Variants in SPRY3 observed in about 807,000 individuals in gnomAD.
SPRY3 encodes the protein sprouty RTK signaling antagonist 3, also known as protein sprouty homolog 3.
In SPRY3, 15 loss-of-function variants were observed where a neutral mutation model predicts 20.2. The observed-to-expected ratio is 0.74, with a 90% CI of 0.50 to 1.14. The LOEUF (loss-of-function observed/expected upper bound fraction) is 1.14. Among genes scored for constraint, SPRY3 ranks in the 50% most tolerant of loss-of-function variants. SPRY3 has a pLI of 0.00. For synonymous variants in SPRY3, 143 were observed against 136.5 expected (o/e 1.05, Z -0.33); for missense variants, 364 against 363.9 (o/e 1.00, Z 0.00).
intron 2 of SPRY3, among the ~76,000 whole-genome samples, chrX:155,660,374 G>A (rs184962637): frequency 2.7e-5 from 3 of 111,654 alleles, no homozygotes; most frequent in African/African-American, 9.7e-5. Flanking sequence ...ATTCCATTGC[G>A]GTCTGAGAAG....
At chrX:155,779,469 G>A (rs1027242808), downstream of SPRY3, 5 of 166,806 alleles carry the variant, frequency 3.0e-5, no homozygotes, top group African/African-American at 1.2e-4. Flanking sequence ...TGCTTTAAAG[G>A]GCTTCTTTTT....
chrX:155,731,172 T>A (rs1199015942), intron 2 of SPRY3, among the ~76,000 whole-genome samples: 1 of 152,142 alleles, frequency 6.6e-6, no homozygotes, highest in Non-Finnish European at 1.5e-5. Flanking sequence ...CTAAAATTTA[T>A]ATGGAACCAC....
At chrX:155,713,111 A>T (rs1314174570) in intron 2 of SPRY3, among the ~76,000 whole-genome samples, 2 of 151,312 alleles carry the variant, frequency 1.3e-5, no homozygotes, top group African/African-American at 4.9e-5. Context: ...TTTTAATTTT[A>T]CTTTAAGTTC....
intron 2 of SPRY3, among the ~76,000 whole-genome samples, chrX:155,696,226 CACACACACAT>C (rs1269975633): frequency 9.3e-6 from 1 of 107,999 alleles, no homozygotes; most frequent in Non-Finnish European, 1.9e-5. Flanking sequence ...CACACACACA[CACACACACAT>C]ATATATATAC....
chrX:155,704,066 G>C (rs2090930518), intron 2 of SPRY3, among the ~76,000 whole-genome samples: 1 of 151,722 alleles, frequency 6.6e-6, no homozygotes, highest in African/African-American at 2.4e-5. Flanking sequence ...ATTTACCTTG[G>C]TCTCTATTTC....
chrX:155,710,162 A>G (rs906984586), intron 2 of SPRY3, among the ~76,000 whole-genome samples: 1 of 151,698 alleles, frequency 6.6e-6, no homozygotes, highest in African/African-American at 2.4e-5. Flanking sequence ...GTGGTTCTAT[A>G]TAAATTTTAG....
At chrX:155,651,007 A>G (rs1557352342) in intron 1 of SPRY3, among the ~76,000 whole-genome samples, 1 of 110,645 alleles carries the variant, frequency 9.0e-6, no homozygotes, top group Non-Finnish European at 1.9e-5. Flanking sequence ...AGAATGTACT[A>G]TTTTATATTC....
At chrX:155,696,232 C>CAT (rs201173655) in intron 2 of SPRY3, among the ~76,000 whole-genome samples, 1,224 of 107,387 alleles carry the variant, frequency 0.011, 13 homozygotes, top group Middle Eastern at 0.019. Context: ...CACACACACA[C>CAT]ACATATATAT....
chrX:155,716,008 TAAG>T (rs1376288479), intron 2 of SPRY3, among the ~76,000 whole-genome samples: 1 of 152,282 alleles, frequency 6.6e-6, no homozygotes, highest in Non-Finnish European at 1.5e-5. Context: ...CTTTCCATAA[TAAG>T]AAGTTAAAAC....
rs150596280 is a variant in SPRY3 at position 155,764,811 on chromosome X, G to T, written c.-281-3151G>T. On this transcript the variant is annotated intron_variant, in intron 2 of 3. Transcript: ENST00000675360. ...TTTTCCTGCAATAAGTGACTGCTAG[G>T]CCTATAGGATATTCAGGAATATTAT... is the stretch of plus-strand genomic sequence containing the variant. Among the ~76,000 whole-genome samples the T allele has an allele frequency of 6.0e-3, 915 of 152,266 alleles. 14 individuals are homozygous for T. The highest frequency in any genetic ancestry group is 0.02 in the African/African-American group (837 of 41,558).
intron 2 of SPRY3, among the ~76,000 whole-genome samples, chrX:155,734,671 A>C (rs902684559): frequency 2.0e-5 from 3 of 151,490 alleles, no homozygotes; most frequent in Admixed American, 6.6e-5. Flanking sequence ...CAAACAAACA[A>C]AATCTCTGCA....
At chrX:155,689,707 CT>C (rs1160081054) in intron 2 of SPRY3, among the ~76,000 whole-genome samples, 1 of 85,034 alleles carries the variant, frequency 1.2e-5, no homozygotes, top group African/African-American at 5.7e-5. Flanking sequence ...ATCTTCTCTC[CT>C]TTTTTTCTTT....
At chrX:155,635,231 G>A (rs986756337) in intron 1 of SPRY3, among the ~76,000 whole-genome samples, 4 of 111,065 alleles carry the variant, frequency 3.6e-5, no homozygotes, top group Admixed American at 1.9e-4. Context: ...CTTTTTTATG[G>A]CTGCATAGTA....
intron 1 of SPRY3, among the ~76,000 whole-genome samples, chrX:155,622,686 C>G (rs1222841416): frequency 1.8e-5 from 2 of 111,643 alleles, no homozygotes; most frequent in African/African-American, 6.5e-5. Flanking sequence ...GGAAGGTTCC[C>G]CCTCCAAGTT....
chrX:155,678,114 C>G (rs934511807), intron 2 of SPRY3, among the ~76,000 whole-genome samples: 4 of 111,300 alleles, frequency 3.6e-5, no homozygotes, highest in Non-Finnish European at 7.5e-5. Context: ...TCAGTACTGT[C>G]TTATTGAATG....
intron 2 of SPRY3, among the ~76,000 whole-genome samples, chrX:155,724,793 A>G (rs1360908991): frequency 1.3e-5 from 2 of 152,090 alleles, no homozygotes; most frequent in Admixed American, 1.3e-4. Context: ...CTCTTTTTCT[A>G]ATTGAATACC....
Position 155,773,329 on chromosome X carries a change from T to TAGAAAA in SPRY3, c.-106-436_-106-435insGAAAAA, listed in dbSNP as rs1223376365. 2.7e-4 allele frequency among the ~76,000 whole-genome samples: 40 copies of TAGAAAA among 146,230 alleles called. No homozygotes were observed. In the East Asian group the frequency reaches 8.0e-3, roughly 29 times the overall value. The stretch of plus-strand genomic sequence containing the variant: ...TTGGATATATATATATATATATATA[T>TAGAAAA]ATATATATATATGAGCAACTTCTCA... On this transcript the variant is annotated intron_variant, in intron 3 of 3. Coordinates refer to ENST00000675360, the Ensembl canonical transcript of SPRY3.
At chrX:155,655,926 A>T (rs781974574) in intron 1 of SPRY3, among the ~76,000 whole-genome samples, 1 of 112,169 alleles carries the variant, frequency 8.9e-6, no homozygotes, top group Non-Finnish European at 1.9e-5. Context: ...AATGTTGAAT[A>T]TTGGCCCCCA....
chrX:155,775,907 C>G (rs2091422349), exon 4 of SPRY3: 1 of 167,048 alleles, frequency 6.0e-6, no homozygotes, highest in Non-Finnish European at 1.5e-5. Context: ...GGAATCTTAA[C>G]TATTAATCTA....
Sources: gnomAD v4.1 joint callset for allele counts (sites outside exome capture counted in the v4.1 genomes callset) on GRCh38, gnomAD v4.1.1 for gene constraint, MANE v1.5 for transcripts, NCBI Gene and HGNC (gene_info 2026-07-23, HGNC 2026-07-21) for gene names.